Variants in CHMP7 observed in about 807,000 individuals in gnomAD.
CHMP7 encodes CHMP family, member 7.
Under a neutral mutation model 53.7 loss-of-function variants are expected in CHMP7, and 15 were observed. The ratio of observed to expected loss-of-function variants is 0.28; its 90% CI spans 0.19 to 0.43. CHMP7 has a LOEUF of 0.43. Among genes scored for constraint, CHMP7 ranks in the 20% least tolerant of loss-of-function variants. The pLI is 1.00. For synonymous variants in CHMP7, 261 were observed against 228.0 expected, an observed-to-expected ratio of 1.14 and a Z score of -1.30; for missense variants, 527 against 569.4, an observed-to-expected ratio of 0.93 and a Z score of 0.76.
Position 23,260,712 on chromosome 8 carries a change from C to A in CHMP7, c.*113C>A. 1.2e-6 allele frequency: 1 copy of A among 853,610 alleles called. No homozygotes were observed. The highest frequency in any genetic ancestry group is 2.0e-6 in the Non-Finnish European group (1 of 508,082). 52.9% of individuals were successfully genotyped at this position (853,610 alleles called of 1,614,324 possible). On this transcript the variant is annotated 3_prime_UTR_variant, in exon 11 of 11. Transcript: ENST00000397677. ...GTGTTTGGAAGAGGAGAAAGGAGAA[C>A]CACTGATTTTATCTGGATGCTACTA...
intron 3 of CHMP7, among the ~76,000 whole-genome samples, chr8:23,254,458 G>A (rs1387593548): frequency 2.0e-5 from 3 of 151,934 alleles, no homozygotes; most frequent in Non-Finnish European, 4.4e-5. Context: ...GCAGTGGCGC[G>A]ATCTCGGCTC....
At chr8:23,249,975 C>T (rs1801853708) in intron 3 of CHMP7, among the ~76,000 whole-genome samples, 1 of 152,172 alleles carries the variant, frequency 6.6e-6, no homozygotes, top group Non-Finnish European at 1.5e-5. Flanking sequence ...AGCTCCTTTG[C>T]ATCTCCTTTG....
At chr8:23,260,032 G>T (rs915196707) in intron 9 of CHMP7, 112 bp from the exon 10 acceptor site, 8 of 776,748 alleles carry the variant, frequency 1.0e-5, no homozygotes, top group Admixed American at 8.3e-5. Context: ...AATCTGCAAG[G>T]AGGCCTGGCA....
At chr8:23,249,477 T>C (rs1801837173) in intron 3 of CHMP7, 96 bp downstream of exon 3, 1 of 947,392 alleles carries the variant, frequency 1.1e-6, no homozygotes, top group African/African-American at 1.7e-5. Context: ...ACCGTCTCTT[T>C]TTTTACATGG....
In CHMP7 at chr8:23,246,455, A is replaced by C; in HGVS notation, c.-241A>C. ...CTTTCGGCACAAAGACCGTGGGAGG[A>C]GGGGTCGGCGCAAGCGCTCGGTGTC... On this transcript the variant is annotated 5_prime_UTR_variant, in exon 2 of 11. Transcript: ENST00000397677. 1.8e-6 allele frequency: 1 copy of C among 544,748 alleles called. No homozygotes were observed. The highest frequency in any genetic ancestry group is 3.3e-6 in the Non-Finnish European group (1 of 306,946). 33.7% of individuals were successfully genotyped at this position (544,748 alleles called of 1,614,324 possible).
At chr8:23,248,208 G>A (rs1407944997) in intron 2 of CHMP7, 3 of 456,114 alleles carry the variant, frequency 6.6e-6, no homozygotes, top group African/African-American at 2.0e-5. Context: ...GTCAGTGAGG[G>A]AAGGGACCAG....
rs2128860962 is a variant in CHMP7, at chr8:23,260,175, G to C, written c.1152G>C (p.Leu384Phe). Residue 384 changes from leucine to phenylalanine, a missense_variant, in exon 10 of 11, where the codon TTG becomes TTC. Coordinates refer to ENST00000397677, the MANE Select transcript of CHMP7 (RefSeq NM_152272.5). ...DFDSEELEKE[L>F]DILLQDTTKE... ...ACAGTGAAGAACTGGAGAAGGAATT[G>C]GACATCCTCCTTCAGGATACCACCA... 7 of 1,614,096 alleles carry C rather than the reference G, an allele frequency of 4.3e-6. No homozygotes were observed. In the East Asian group the frequency reaches 1.3e-4, roughly 31 times the overall value.
At chr8:23,258,647 A>G in intron 7 of CHMP7, 85 bp from the exon 8 acceptor site, 1 of 1,248,100 alleles carries the variant, frequency 8.0e-7, no homozygotes, top group Non-Finnish European at 1.2e-6. Context: ...AAACACCCCA[A>G]AGCTGCCTTT....
At chr8:23,257,554 A>G (rs2128859849) in intron 5 of CHMP7, among the ~76,000 whole-genome samples, 1 of 152,368 alleles carries the variant, frequency 6.6e-6, no homozygotes, top group Middle Eastern at 3.4e-3. Context: ...CTGCCTTTGC[A>G]GAGGTCTTTC....
chr8:23,249,157 A>C, intron 2 of CHMP7, 53 bp from the exon 3 acceptor site: 1 of 1,449,410 alleles, frequency 6.9e-7, no homozygotes. Context: ...TAGAGACTGG[A>C]ATGGGACATT....
chr8:23,253,688 C>G (rs1802016840), intron 3 of CHMP7, among the ~76,000 whole-genome samples: 1 of 152,202 alleles, frequency 6.6e-6, no homozygotes, highest in African/African-American at 2.4e-5. Flanking sequence ...AATAGCATCA[C>G]ATCCACCAGT....
intron 9 of CHMP7, 150 bp downstream of exon 9, chr8:23,259,276 C>T (rs1802282241): frequency 2.1e-6 from 1 of 471,256 alleles, no homozygotes; most frequent in East Asian, 3.7e-5. Context: ...TCACGCCATT[C>T]TCCTGCCTCA....
At chr8:23,256,677 A>G in intron 5 of CHMP7, 84 bp downstream of exon 5, 2 of 1,196,096 alleles carry the variant, frequency 1.7e-6, no homozygotes, top group Non-Finnish European at 1.2e-6. Context: ...GTGGGCTTTT[A>G]AAAAATAGGT....
At position 23,261,645 on chromosome 8, in the gene CHMP7, C is replaced by T. The variant is rs760970791; in HGVS notation, c.*1046C>T. 2.0e-5 allele frequency: 3 copies of T among 152,760 alleles called. No individual in the cohort carries two copies. Among genetic ancestry groups the T allele is most frequent in the Non-Finnish European group, 2.9e-5 (2 of 68,126 alleles). 9.5% of individuals were successfully genotyped at this position (152,760 alleles called of 1,614,324 possible). On this transcript the variant is annotated 3_prime_UTR_variant, in exon 11 of 11. Coordinates refer to ENST00000397677, the MANE Select transcript of CHMP7 (RefSeq NM_152272.5). ...CCAGGCCACCCGTGCACCTGTCCTG[C>T]TTCCTGCAGTCCCCACTCCCTGCCT...
intron 3 of CHMP7, among the ~76,000 whole-genome samples, chr8:23,250,619 CCT>C (rs1801885560): frequency 8.9e-6 from 1 of 111,788 alleles, no homozygotes; most frequent in African/African-American, 3.5e-5. Flanking sequence ...GTGATAGGGG[CCT>C]GTGTGTGTGT....
In CHMP7 at chr8:23,260,257, C is replaced by A. The variant is rs1802333676; in HGVS notation, c.1234C>A (p.Pro412Thr). 1.9e-6 allele frequency: 3 copies of A among 1,614,174 alleles called. No homozygotes were observed. The East Asian group carries it at 6.7e-5, about 36-fold the overall frequency. The change falls in exon 10 of 11, where the codon CCT (proline) becomes ACT (threonine). Residue 412 changes from proline to threonine, a missense_variant. Pro to Thr is a conservative substitution (Grantham distance 38). Coordinates refer to ENST00000397677, the MANE Select transcript of CHMP7 (RefSeq NM_152272.5). ...PRNRHFTNSV[P>T]NPRISDAELE... ...CAATAGGCATTTTACCAACAGCGTG[C>A]CTAACCCTAGGATCTCAGATGCTGA...
intron 9 of CHMP7, 56 bp from the exon 10 acceptor site, chr8:23,260,088 C>A (rs1260691967): frequency 1.4e-6 from 2 of 1,443,662 alleles, no homozygotes; most frequent in African/African-American, 1.4e-5. Flanking sequence ...GTCCTGTACT[C>A]ATTAATGCAT....
chr8:23,256,381 T>C, intron 4 of CHMP7, 79 bp from the exon 5 acceptor site: 1 of 933,486 alleles, frequency 1.1e-6, no homozygotes, highest in South Asian at 1.4e-5. Flanking sequence ...TGTTCTCACA[T>C]GCCCACCACC....
intron 5 of CHMP7, 68 bp downstream of exon 5, chr8:23,256,661 G>T: frequency 2.2e-5 from 27 of 1,247,270 alleles, no homozygotes; most frequent in Middle Eastern, 2.1e-4. Flanking sequence ...CAAAATGTTA[G>T]TATATGTGGG....
Sources: gnomAD v4.1 joint callset for allele counts (sites outside exome capture counted in the v4.1 genomes callset) on GRCh38, gnomAD v4.1.1 for gene constraint, MANE v1.5 for transcripts, NCBI Gene and HGNC (gene_info 2026-07-23, HGNC 2026-07-21) for gene names.